The following RBFOX1 variants were observed in gnomAD, a reference collection of about 807,000 sequenced individuals.
The protein encoded by RBFOX1 is RNA binding protein fox-1 homolog 1.
A neutral mutation model predicts 57.7 loss-of-function variants in RBFOX1; 8 were observed. That is an observed-to-expected ratio of 0.14 (90% CI 0.08 to 0.25). RBFOX1 has a LOEUF of 0.25. Ranked by LOEUF, RBFOX1 falls within the 10% of genes least tolerant of loss-of-function variation. RBFOX1 has a pLI of 1.00. For missense variants in RBFOX1, 611 were observed against 548.5 expected (o/e 1.11, Z -1.14); for synonymous variants, 326 against 222.4 (o/e 1.47, Z -4.15).
At chr16:6,299,390 G>A (rs2078526702) in intron 1 of RBFOX1, among the ~76,000 whole-genome samples, 2 of 152,188 alleles carry the variant, frequency 1.3e-5, no homozygotes, top group Admixed American at 1.3e-4. Flanking sequence ...TCTAAAAATA[G>A]CGTTTTGAGA....
chr16:5,332,955 G>A (rs900281069), intron 1 of RBFOX1, among the ~76,000 whole-genome samples: 2 of 152,174 alleles, frequency 1.3e-5, no homozygotes, highest in East Asian at 1.9e-4. Context: ...GGAGGCCAAG[G>A]TGGGCGGATC....
intron 3 of RBFOX1, among the ~76,000 whole-genome samples, chr16:7,012,678 C>G (rs1334902273): frequency 1.3e-5 from 2 of 152,148 alleles, no homozygotes; most frequent in Non-Finnish European, 2.9e-5. Flanking sequence ...TAATTTTAAG[C>G]TGACTTTATC....
chr16:7,016,455 T>A (rs904962228), intron 3 of RBFOX1, among the ~76,000 whole-genome samples: 5 of 152,188 alleles, frequency 3.3e-5, no homozygotes, highest in African/African-American at 1.2e-4. Flanking sequence ...GTTTCTCACT[T>A]GTTTCGGGAC....
chr16:7,110,196 A>G (rs866967914), intron 4 of RBFOX1, among the ~76,000 whole-genome samples: 2,388 of 151,144 alleles, frequency 0.016, 78 homozygotes, highest in African/African-American at 0.055. Flanking sequence ...TCAAAAAAAA[A>G]AAAAAAAAGA....
At chr16:5,347,965 C>A in intron 1 of RBFOX1, among the ~76,000 whole-genome samples, 1 of 142,588 alleles carries the variant, frequency 7.0e-6, no homozygotes, top group South Asian at 2.5e-4. Context: ...CCCATCCACT[C>A]CCCACCAACC....
chr16:6,765,625 G>A (rs766786067), intron 3 of RBFOX1, among the ~76,000 whole-genome samples: 41 of 152,218 alleles, frequency 2.7e-4, no homozygotes, highest in Non-Finnish European at 4.9e-4. Flanking sequence ...TCTACCATTC[G>A]GTACAGCAAT....
intron 1 of RBFOX1, among the ~76,000 whole-genome samples, chr16:5,346,533 A>G (rs1054328437): frequency 6.6e-6 from 1 of 152,198 alleles, no homozygotes; most frequent in Non-Finnish European, 1.5e-5. Context: ...GCTGGGTAAT[A>G]GGACCTTTAT....
intron 4 of RBFOX1, 131 bp downstream of exon 4, chr16:7,052,229 T>C: frequency 1.5e-6 from 2 of 1,364,280 alleles, no homozygotes; most frequent in East Asian, 2.5e-5. Flanking sequence ...GTTGAAAATA[T>C]TTATCCCAGC....
rs756392538 is a variant in RBFOX1, at chr16:6,663,730, C to CA, written c.-16+9084dup. On this transcript the variant is annotated intron_variant, in intron 3 of 15. Coordinates refer to ENST00000550418, the MANE Select transcript of RBFOX1 (RefSeq NM_018723.4). Reference sequence around the variant, plus strand: ...ATATACATTAAAATGGAAGAAGCTCCAAAATTCCTGGAATCTTTGGAAATG... The same window carrying CA: ...ATATACATTAAAATGGAAGAAGCTCCAAAAATTCCTGGAATCTTTGGAAATG... Among the ~76,000 whole-genome samples, 36 of 152,190 alleles carry CA rather than the reference C, an allele frequency of 2.4e-4. 1 individual carries two copies. The highest frequency in any genetic ancestry group is 4.6e-4 in the Admixed American group (7 of 15,282).
intron 4 of RBFOX1, among the ~76,000 whole-genome samples, chr16:5,882,071 C>G (rs563770059): frequency 1.3e-5 from 2 of 152,278 alleles, no homozygotes; most frequent in South Asian, 2.1e-4. Context: ...TTACATTTTA[C>G]AGAATAGGAA....
intron 4 of RBFOX1, among the ~76,000 whole-genome samples, chr16:7,475,887 G>T (rs4787026): frequency 6.6e-6 from 1 of 152,238 alleles, no homozygotes; most frequent in South Asian, 2.1e-4. Flanking sequence ...GTCCCAGGAA[G>T]TGGGGTAAGA....
intron 1 of RBFOX1, among the ~76,000 whole-genome samples, chr16:6,181,291 C>G (rs1195440530): frequency 2.0e-5 from 3 of 152,192 alleles, no homozygotes; most frequent in Non-Finnish European, 2.9e-5. Flanking sequence ...CCTACTCTAC[C>G]CAGGCAGAGC....
intron 4 of RBFOX1, among the ~76,000 whole-genome samples, chr16:7,096,501 A>G (rs2061717713): frequency 2.0e-5 from 3 of 152,182 alleles, no homozygotes; most frequent in Admixed American, 6.5e-5. Context: ...AGTAGGCTCT[A>G]GGAAAAGTTT....
chr16:7,477,325 G>T (rs576405417), intron 4 of RBFOX1, among the ~76,000 whole-genome samples: 1 of 152,116 alleles, frequency 6.6e-6, no homozygotes, highest in Non-Finnish European at 1.5e-5. Flanking sequence ...ATCTATTTCA[G>T]TTTGTATCTC....
intron 4 of RBFOX1, among the ~76,000 whole-genome samples, chr16:5,913,418 C>T (rs564538052): frequency 2.0e-5 from 3 of 152,142 alleles, no homozygotes; most frequent in African/African-American, 7.2e-5. Flanking sequence ...TCATGAATGG[C>T]TTGGTACCTT....
At chr16:7,706,983 A>G (rs993287244) in intron 14 of RBFOX1, among the ~76,000 whole-genome samples, 2 of 152,194 alleles carry the variant, frequency 1.3e-5, no homozygotes, top group Non-Finnish European at 2.9e-5. Flanking sequence ...ATAATCGTTG[A>G]TTAAAGGCCA....
At chr16:6,262,869 G>T (rs1168291731) in intron 1 of RBFOX1, among the ~76,000 whole-genome samples, 1 of 152,160 alleles carries the variant, frequency 6.6e-6, no homozygotes, top group Non-Finnish European at 1.5e-5. Flanking sequence ...CAACCCTCAT[G>T]GAAATAACAG....
At chr16:5,824,801 A>G (rs2055978540) in intron 3 of RBFOX1, among the ~76,000 whole-genome samples, 1 of 152,150 alleles carries the variant, frequency 6.6e-6, no homozygotes, top group Non-Finnish European at 1.5e-5. Context: ...AACTCCAGAG[A>G]GTATCTAGAA....
intron 4 of RBFOX1, among the ~76,000 whole-genome samples, chr16:7,192,288 A>G (rs1475108594): frequency 6.6e-6 from 1 of 152,178 alleles, no homozygotes. Context: ...TTCCTTGTGA[A>G]TCTGACGTTA....
Sources: allele counts gnomAD v4.1 joint callset (sites outside exome capture counted in the v4.1 genomes callset), GRCh38; gene constraint gnomAD v4.1.1; transcripts MANE v1.5; gene names NCBI Gene and HGNC (gene_info 2026-07-23, HGNC 2026-07-21).